Variants in AGMO observed in about 807,000 individuals in gnomAD.
The protein encoded by AGMO is alkylglycerol monooxygenase.
In AGMO, 75 loss-of-function variants were observed where a neutral mutation model predicts 60.2. That is an observed-to-expected ratio of 1.25 (90% CI 1.03 to 1.51). The LOEUF is 1.51. Among genes scored for constraint, AGMO ranks in the 40% most tolerant of loss-of-function variants. AGMO has a pLI of 0.00. For missense variants in AGMO, 763 were observed against 525.5 expected, an observed-to-expected ratio of 1.45 and a Z score of -4.42; for synonymous variants, 261 against 177.1, an observed-to-expected ratio of 1.47 and a Z score of -3.76.
In AGMO at chr7:15,378,709, GA is replaced by G. The variant is rs1489118751; in HGVS notation, c.1074+6736del. ...CAAATGGACCTGATAGATACAGTCAGAACTCTCCACCCAGAGTTCTGGGTGG... is the reference window on the plus strand; with the variant it reads ...CAAATGGACCTGATAGATACAGTCAGACTCTCCACCCAGAGTTCTGGGTGG... On this transcript the variant is annotated intron_variant, in intron 10 of 12. Transcript: ENST00000342526. 2.6e-5 allele frequency among the ~76,000 whole-genome samples: 4 copies of G among 151,822 alleles called. No homozygotes were observed. In the East Asian group the frequency reaches 7.8e-4, roughly 29 times the overall value.
Position 15,392,401 on chromosome 7 carries a change from G to A in AGMO, c.677-1496C>T, listed in dbSNP as rs538109233. Among the ~76,000 whole-genome samples, 299 of 152,156 alleles carry A rather than the reference G, an allele frequency of 2.0e-3. 1 individual carries two copies. Among genetic ancestry groups the A allele is most frequent in the African/African-American group, 6.7e-3 (278 of 41,504 alleles). On this transcript the variant is annotated intron_variant, in intron 6 of 12. Transcript: ENST00000342526. ...TCCTTGTATATAGAAGGAACTGCAA[G>A]TGTATAATCCCCTTGGCCTCTCCAC...
chr7:15,556,483 A>T (rs934083749), intron 2 of AGMO, among the ~76,000 whole-genome samples: 4 of 152,040 alleles, frequency 2.6e-5, no homozygotes, highest in African/African-American at 7.2e-5. Context: ...AAATGAACCC[A>T]TTAAAAACAA....
chr7:15,483,215 A>C (rs1782807750), intron 3 of AGMO, among the ~76,000 whole-genome samples: 2 of 152,158 alleles, frequency 1.3e-5, no homozygotes, highest in African/African-American at 4.8e-5. Context: ...AATATCCAAA[A>C]ATTATTATAT....
At chr7:15,346,709 C>A (rs982110573) in intron 12 of AGMO, among the ~76,000 whole-genome samples, 1 of 151,422 alleles carries the variant, frequency 6.6e-6, no homozygotes, top group African/African-American at 2.4e-5. Flanking sequence ...TATTCAAGAG[C>A]TAAATCCAAA....
At chr7:15,181,820 G>C in the AGMO span, among the ~76,000 whole-genome samples, 1 of 152,130 alleles carries the variant, frequency 6.6e-6, no homozygotes, top group Non-Finnish European at 1.5e-5. Flanking sequence ...TTGATAGTGG[G>C]TGACATAGAA....
chr7:15,135,167 T>A, the AGMO span, among the ~76,000 whole-genome samples: 4 of 50,382 alleles, frequency 7.9e-5, no homozygotes, highest in African/African-American at 1.9e-4. Flanking sequence ...TGAGTTTGTG[T>A]GTGTGTGTGT....
rs1453091152 is a variant in AGMO, at chr7:15,360,634, T to G, written c.1263+4880A>C. ...CTTGCTATCTCAGGAGTGGCAGAGGTTGGAGGAGGTGGAGGAGGTGGATGA... is the reference window on the plus strand; with the variant it reads ...CTTGCTATCTCAGGAGTGGCAGAGGGTGGAGGAGGTGGAGGAGGTGGATGA... On this transcript the variant is annotated intron_variant, in intron 12 of 12. Transcript: ENST00000342526. 9.3e-5 allele frequency among the ~76,000 whole-genome samples: 14 copies of G among 150,648 alleles called. No individual in the cohort carries two copies. In the East Asian group the frequency reaches 1.6e-3, roughly 17 times the overall value.
At chr7:15,283,765 C>A (rs1784029118) in intron 12 of AGMO, among the ~76,000 whole-genome samples, 1 of 152,126 alleles carries the variant, frequency 6.6e-6, no homozygotes, top group African/African-American at 2.4e-5. Flanking sequence ...TACCCAACAA[C>A]TGCAGAATAT....
chr7:15,398,993 TAGA>T (rs1784480833), intron 5 of AGMO, among the ~76,000 whole-genome samples: 1 of 152,176 alleles, frequency 6.6e-6, no homozygotes. Flanking sequence ...ACAACTTTAA[TAGA>T]AAATGATAAT....
the AGMO span, among the ~76,000 whole-genome samples, chr7:15,194,595 G>T: frequency 6.6e-6 from 1 of 152,040 alleles, no homozygotes; most frequent in African/African-American, 2.4e-5. Context: ...TAATATCACT[G>T]ATCTTCCCCC....
At chr7:15,423,876 C>A (rs1347883532) in intron 4 of AGMO, among the ~76,000 whole-genome samples, 1 of 152,114 alleles carries the variant, frequency 6.6e-6, no homozygotes, top group African/African-American at 2.4e-5. Context: ...TGTCAGGCTT[C>A]CAGCTTTCAG....
intron 12 of AGMO, among the ~76,000 whole-genome samples, chr7:15,273,560 C>T (rs575077290): frequency 2.6e-5 from 4 of 152,246 alleles, no homozygotes; most frequent in African/African-American, 7.2e-5. Flanking sequence ...TAGTGTGATG[C>T]CTCCAGCTTT....
At chr7:15,297,071 CACACAG>C (rs1217302395) in intron 12 of AGMO, among the ~76,000 whole-genome samples, 3 of 96,822 alleles carry the variant, frequency 3.1e-5, no homozygotes, top group Non-Finnish European at 7.1e-5. Flanking sequence ...CTCTCTCACA[CACACAG>C]ACACAATCAG....
chr7:15,156,621 T>A, the AGMO span, among the ~76,000 whole-genome samples: 1 of 152,228 alleles, frequency 6.6e-6, no homozygotes, highest in Non-Finnish European at 1.5e-5. Flanking sequence ...GCCACTCCAC[T>A]TTTGTGTCAT....
chr7:15,243,180 TACTC>T (rs1583321263), intron 12 of AGMO, among the ~76,000 whole-genome samples: 1 of 152,146 alleles, frequency 6.6e-6, no homozygotes, highest in Non-Finnish European at 1.5e-5. Flanking sequence ...TTTATAATCC[TACTC>T]ACTAAATCCA....
chr7:15,436,876 A>G (rs1260896492), intron 3 of AGMO, among the ~76,000 whole-genome samples: 1 of 152,168 alleles, frequency 6.6e-6, no homozygotes, highest in Non-Finnish European at 1.5e-5. Context: ...ATGCTATTAA[A>G]TGATAGTGCG....
At chr7:15,548,931 C>A (rs1784867366) in intron 2 of AGMO, among the ~76,000 whole-genome samples, 1 of 150,338 alleles carries the variant, frequency 6.7e-6, no homozygotes, top group East Asian at 2.0e-4. Flanking sequence ...GTCGGGTTAC[C>A]CTCAAAGGGA....
intron 12 of AGMO, among the ~76,000 whole-genome samples, chr7:15,332,376 G>A (rs932367757): frequency 6.6e-6 from 1 of 152,128 alleles, no homozygotes; most frequent in African/African-American, 2.4e-5. Context: ...GTAACATGGA[G>A]ACTAAAGGTC....
intron 12 of AGMO, among the ~76,000 whole-genome samples, chr7:15,262,124 C>A (rs1214633608): frequency 6.6e-6 from 1 of 151,858 alleles, no homozygotes; most frequent in African/African-American, 2.4e-5. Context: ...TACTGGAAGC[C>A]CTTGCCAGAG....
Sources: gnomAD v4.1 joint callset for allele counts (sites outside exome capture counted in the v4.1 genomes callset) on GRCh38, gnomAD v4.1.1 for gene constraint, MANE v1.5 for transcripts, NCBI Gene and HGNC (gene_info 2026-07-23, HGNC 2026-07-21) for gene names.